Variants in DENND2B observed in about 807,000 individuals in gnomAD.
DENND2B encodes DENN domain-containing protein 2B.
Under a neutral mutation model 116.0 loss-of-function variants are expected in DENND2B, and 32 were observed. The observed-to-expected ratio is 0.28, with a 90% confidence interval of 0.21 to 0.37. The LOEUF (loss-of-function observed/expected upper bound fraction) is 0.37, where lower values mean the gene tolerates loss of function less well. Among genes scored for constraint, DENND2B ranks in the 10% least tolerant of loss-of-function variants. The pLI is 1.00. For synonymous variants in DENND2B, 588 were observed against 583.9 expected (o/e 1.01, Z -0.10); for missense variants, 1,276 against 1,477.7 (o/e 0.86, Z 2.24).
At position 8,891,969 on chromosome 11, in the gene DENND2B, A is replaced by G. The variant is rs567580048; in HGVS notation, c.-255-10860T>C. Among the ~76,000 whole-genome samples the G allele has an allele frequency of 2.0e-4, 30 of 152,340 alleles. No homozygotes were observed. The East Asian group carries it at 5.8e-3, about 29-fold the overall frequency. On this transcript the variant is annotated intron_variant, in intron 1 of 22. Coordinates refer to the DENND2B transcript ENST00000534127. The stretch of plus-strand genomic sequence containing the variant: ...CTCAGCACCACACCGCACTTATTCG[A>G]AAATTGACCACATAGTTGGAAGTAA...
intron 2 of DENND2B, among the ~76,000 whole-genome samples, chr11:8,736,720 G>A (rs1325584815): frequency 6.6e-6 from 1 of 152,206 alleles, no homozygotes; most frequent in African/African-American, 2.4e-5. Context: ...GTATTCCAGG[G>A]GCAACAAGGA....
At chr11:8,868,346 T>G (rs778029543) in intron 2 of DENND2B, among the ~76,000 whole-genome samples, 2 of 152,244 alleles carry the variant, frequency 1.3e-5, no homozygotes, top group Non-Finnish European at 2.9e-5. Context: ...TCTTCTAAAA[T>G]CACTGCTTTA....
At chr11:8,794,823 C>T (rs1314488426) in intron 1 of DENND2B, 1 of 152,278 alleles carries the variant, frequency 6.6e-6, no homozygotes, top group Non-Finnish European at 1.5e-5. Flanking sequence ...GGCACTGAGG[C>T]CTGGGGAAGT....
At chr11:8,795,382 T>C (rs2059729181) in intron 1 of DENND2B, among the ~76,000 whole-genome samples, 1 of 152,146 alleles carries the variant, frequency 6.6e-6, no homozygotes, top group Admixed American at 6.5e-5. Flanking sequence ...AAGCAGTGGT[T>C]CTCAAAGTGG....
intron 2 of DENND2B, among the ~76,000 whole-genome samples, chr11:8,732,862 C>T (rs534531314): frequency 2.0e-5 from 3 of 152,362 alleles, no homozygotes; most frequent in East Asian, 1.9e-4. Context: ...TCTCAGGCTC[C>T]GGAATGCCAT....
chr11:8,845,502 T>C (rs555247481), intron 3 of DENND2B: 3 of 152,238 alleles, frequency 2.0e-5, no homozygotes, highest in African/African-American at 4.8e-5. Flanking sequence ...ACCATCTGAC[T>C]TAGAAAAGGA....
chr11:8,741,672 C>T (rs980557973), intron 2 of DENND2B, among the ~76,000 whole-genome samples: 3 of 152,154 alleles, frequency 2.0e-5, no homozygotes, highest in Non-Finnish European at 2.9e-5. Context: ...TGTGGTGCTA[C>T]TTTTCAGGCC....
intron 4 of DENND2B, among the ~76,000 whole-genome samples, chr11:8,836,873 A>C (rs2062449772): frequency 6.6e-6 from 1 of 152,036 alleles, no homozygotes; most frequent in Non-Finnish European, 1.5e-5. Context: ...ACACCACCAC[A>C]CCTGGCTAAT....
chr11:8,743,162 T>C (rs1487726773), intron 2 of DENND2B, among the ~76,000 whole-genome samples: 2 of 152,194 alleles, frequency 1.3e-5, no homozygotes, highest in South Asian at 4.1e-4. Context: ...TCAAACTGTA[T>C]ACTTTAAATT....
chr11:8,845,856 A>G (rs188446841), intron 3 of DENND2B, among the ~76,000 whole-genome samples: 145 of 152,364 alleles, frequency 9.5e-4, no homozygotes, highest in African/African-American at 3.5e-3. Context: ...AATTACTGTT[A>G]TATTTTAACA....
At chr11:8,797,499 C>T (rs1345267517) in intron 1 of DENND2B, among the ~76,000 whole-genome samples, 4 of 139,266 alleles carry the variant, frequency 2.9e-5, no homozygotes, top group Admixed American at 7.8e-5. Context: ...TCTTTCTTCC[C>T]CCTTCTTCCC....
chr11:8,760,060 C>T (rs1177687309), intron 1 of DENND2B, among the ~76,000 whole-genome samples: 1 of 152,202 alleles, frequency 6.6e-6, no homozygotes, highest in African/African-American at 2.4e-5. Context: ...CCCCTGCTTC[C>T]TAGAAAGAGC....
chr11:8,804,120 CT>C (rs1376743964), intron 1 of DENND2B, among the ~76,000 whole-genome samples: 2 of 152,230 alleles, frequency 1.3e-5, no homozygotes, highest in Admixed American at 6.5e-5. Context: ...CAAGGACTAC[CT>C]CAGACTCAGG....
chr11:8,779,514 C>T (rs112492358), intron 1 of DENND2B, among the ~76,000 whole-genome samples: 5,282 of 31,246 alleles, frequency 0.17, 200 homozygotes, highest in African/African-American at 0.21. Context: ...TTCTTTCTTT[C>T]TTTTTTTTTT....
At chr11:8,820,422 T>A (rs748699610) in intron 4 of DENND2B, among the ~76,000 whole-genome samples, 1 of 152,204 alleles carries the variant, frequency 6.6e-6, no homozygotes, top group South Asian at 2.1e-4. Flanking sequence ...GAGAATATCC[T>A]AAGAGAAAAT....
chr11:8,750,780 T>C, intron 1 of DENND2B, 55 bp from the exon 2 acceptor site: 1 of 1,529,090 alleles, frequency 6.5e-7, no homozygotes, highest in Non-Finnish European at 9.1e-7. Context: ...CAAAAGCACC[T>C]TGAACATCTT....
intron 4 of DENND2B, among the ~76,000 whole-genome samples, chr11:8,719,466 G>C (rs1378435047): frequency 6.6e-6 from 1 of 152,210 alleles, no homozygotes; most frequent in Non-Finnish European, 1.5e-5. Context: ...ACTCCAAGCA[G>C]AGTCCCCAGC....
chr11:8,857,845 T>C (rs2063248609), intron 2 of DENND2B, among the ~76,000 whole-genome samples: 3 of 152,236 alleles, frequency 2.0e-5, no homozygotes, highest in African/African-American at 7.2e-5. Flanking sequence ...AACAGAAAGA[T>C]TGGACTAGTT....
At chr11:8,798,283 A>T (rs1012216971) in intron 1 of DENND2B, among the ~76,000 whole-genome samples, 1 of 152,228 alleles carries the variant, frequency 6.6e-6, no homozygotes, top group African/African-American at 2.4e-5. Flanking sequence ...TATTTATTGG[A>T]TGAATAAATA....
Sources: allele counts gnomAD v4.1 joint callset (sites outside exome capture counted in the v4.1 genomes callset), GRCh38; gene constraint gnomAD v4.1.1; transcripts MANE v1.5; gene names NCBI Gene and HGNC (gene_info 2026-07-23, HGNC 2026-07-21).